The following XKR6 variants were observed in gnomAD, a reference collection of about 807,000 sequenced individuals.
XKR6 encodes XK related 6.
A neutral mutation model predicts 56.7 loss-of-function variants in XKR6; 22 were observed. That is an observed-to-expected ratio of 0.39 (90% CI 0.28 to 0.55). The LOEUF (loss-of-function observed/expected upper bound fraction) is 0.55. XKR6 is among the 20% of genes least tolerant of loss of function. The probability of loss-of-function intolerance (pLI) is 0.66; values close to 1 mark genes in which losing one functional copy is unlikely to be tolerated. For synonymous variants in XKR6, 524 were observed against 387.8 expected (o/e 1.35, Z -4.13); for missense variants, 852 against 889.0 (o/e 0.96, Z 0.53).
At chr8:11,056,901 C>T (rs1164209414) in intron 1 of XKR6, among the ~76,000 whole-genome samples, 1 of 152,152 alleles carries the variant, frequency 6.6e-6, no homozygotes, top group Non-Finnish European at 1.5e-5. Context: ...TCTCACCCTT[C>T]AGGTCTCTAG....
intron 1 of XKR6, among the ~76,000 whole-genome samples, chr8:11,193,752 A>AC (rs1284165824): frequency 6.9e-5 from 6 of 86,880 alleles, no homozygotes; most frequent in Admixed American, 5.5e-4. Context: ...CCCCCCCCCC[A>AC]CAAAAGAAAT....
At chr8:11,119,316 C>T (rs138095840) in intron 1 of XKR6, among the ~76,000 whole-genome samples, 3,655 of 152,224 alleles carry the variant, frequency 0.024, 115 homozygotes, top group African/African-American at 0.079. Flanking sequence ...CTGTAGATGT[C>T]TATTAGGTCC....
chr8:11,182,207 T>C (rs1219779401), intron 1 of XKR6, among the ~76,000 whole-genome samples: 1 of 152,220 alleles, frequency 6.6e-6, no homozygotes, highest in Non-Finnish European at 1.5e-5. Flanking sequence ...GACCAGGCTG[T>C]TGACCTTGCT....
rs570593499 is a variant in XKR6 at position 11,199,447 on chromosome 8, CCTA to C, written c.764+1126_764+1128del. On this transcript the variant is annotated intron_variant, in intron 1 of 2. Coordinates refer to ENST00000416569, the MANE Select transcript of XKR6 (RefSeq NM_173683.4). Reference sequence around the variant, plus strand: ...CTGAACTACTAAATGCCTAAAATCTCCTACTAAGCTTGGAGTCAGGGCAGCCTA... The same window carrying C: ...CTGAACTACTAAATGCCTAAAATCTCCTAAGCTTGGAGTCAGGGCAGCCTA... 4.6e-5 allele frequency among the ~76,000 whole-genome samples: 7 copies of C among 152,342 alleles called. No individual in the cohort carries two copies. In the South Asian group the frequency reaches 1.5e-3, roughly 32 times the overall value.
chr8:11,135,567 A>T (rs1440851570), intron 1 of XKR6, among the ~76,000 whole-genome samples: 1 of 152,152 alleles, frequency 6.6e-6, no homozygotes, highest in African/African-American at 2.4e-5. Flanking sequence ...CCTTTTTCTA[A>T]TTCTTGCTGT....
chr8:11,107,268 C>G (rs998980361), intron 1 of XKR6, among the ~76,000 whole-genome samples: 2 of 151,680 alleles, frequency 1.3e-5, no homozygotes, highest in African/African-American at 4.8e-5. Context: ...GGCACGATCA[C>G]AGCTCACTGC....
chr8:10,897,795 A>C lies in XKR6; in HGVS notation c.*157T>G. On this transcript the variant is annotated 3_prime_UTR_variant, in exon 3 of 3. Transcript: ENST00000416569. ...TTATTTGAAGGGGTTGTGACTTATT[A>C]ATTCTTTTTTTTTTGTAGTGGTGGT... 1.1e-6 allele frequency: 1 copy of C among 915,082 alleles called. No individual in the cohort carries two copies. The allele number at this position is 915,082 out of a possible 1,614,324, so 56.7% of individuals were successfully genotyped here. A position where few individuals can be genotyped will look rare whatever the true frequency, so the allele number is the denominator to read the frequency against.
At chr8:11,124,896 A>G (rs1035595430) in intron 1 of XKR6, 1 of 151,294 alleles carries the variant, frequency 6.6e-6, no homozygotes, top group Non-Finnish European at 1.5e-5. Flanking sequence ...CATCCTGGCT[A>G]ACACGGTGAA....
intron 1 of XKR6, among the ~76,000 whole-genome samples, chr8:11,111,014 T>A (rs976154011): frequency 1.1e-4 from 5 of 47,602 alleles, no homozygotes; most frequent in Non-Finnish European, 2.0e-4. Context: ...TTCTATTTTT[T>A]TTTTTTTTTT....
At position 11,200,348 on chromosome 8, in the gene XKR6, CG is replaced by C. The variant is rs1246322183; in HGVS notation, c.764+227del. 1.3e-5 allele frequency among the ~76,000 whole-genome samples: 2 copies of C among 152,210 alleles called. No homozygotes were observed. The highest frequency in any genetic ancestry group is 4.8e-5 in the African/African-American group (2 of 41,458). On this transcript the variant is annotated intron_variant, in intron 1 of 2. Transcript: ENST00000416569. This position sits in a 1 kb window ranked among gnomAD's most constrained non-coding sequence, Gnocchi z 6.4. ...GGCAAGAGCCCCGCCGAGTGCGAAGCGGGGACGAGGACGGGCCAACGGCAGG... is the reference window on the plus strand; with the variant it reads ...GGCAAGAGCCCCGCCGAGTGCGAAGCGGGACGAGGACGGGCCAACGGCAGG...
At chr8:10,961,078 G>A (rs1407982492) in intron 1 of XKR6, among the ~76,000 whole-genome samples, 2 of 152,110 alleles carry the variant, frequency 1.3e-5, no homozygotes, top group African/African-American at 4.8e-5. Context: ...GGTGAGTATC[G>A]GAGGCATGGC....
chr8:11,139,337 C>G (rs11785237), intron 1 of XKR6, among the ~76,000 whole-genome samples: 49,691 of 152,002 alleles, frequency 0.33, 8,849 homozygotes, highest in African/African-American at 0.44. Flanking sequence ...GCAAGGCACA[C>G]GCAGGTAGGG....
intron 1 of XKR6, among the ~76,000 whole-genome samples, chr8:10,996,398 T>G (rs1287499869): frequency 1.3e-5 from 2 of 152,214 alleles, no homozygotes; most frequent in Non-Finnish European, 2.9e-5. Context: ...AAGCTTTCAG[T>G]TGCTTTTATA....
rs1364995658 is a variant in XKR6, at chr8:11,092,669, A to G, written c.764+107907T>C. On this transcript the variant is annotated intron_variant, in intron 1 of 2. Transcript: ENST00000416569. ...CTGCAAGAAAGGCTGAGTAAAGCCC[A>G]AAGAGAAACTCTTCCCCCTGGATGA... Among the ~76,000 whole-genome samples, 4 of 152,372 alleles carry G rather than the reference A, an allele frequency of 2.6e-5. No homozygotes were observed. The East Asian group carries it at 7.7e-4, about 29-fold the overall frequency.
At chr8:10,906,927 A>C (rs915677994) in intron 2 of XKR6, among the ~76,000 whole-genome samples, 1 of 152,218 alleles carries the variant, frequency 6.6e-6, no homozygotes, top group Non-Finnish European at 1.5e-5. Flanking sequence ...AAGTGCCCAT[A>C]GTCCTAGCTA....
intron 2 of XKR6, among the ~76,000 whole-genome samples, chr8:10,910,547 G>T (rs1267110625): frequency 6.6e-6 from 1 of 152,142 alleles, no homozygotes; most frequent in Non-Finnish European, 1.5e-5. Flanking sequence ...ACAGCTGCAG[G>T]AAAGACGACA....
intron 1 of XKR6, among the ~76,000 whole-genome samples, chr8:11,079,389 A>C (rs1320207272): frequency 6.6e-6 from 1 of 152,266 alleles, no homozygotes; most frequent in Non-Finnish European, 1.5e-5. Flanking sequence ...TTTTGACTTA[A>C]GAACTGTCCA....
chr8:11,004,731 T>C (rs936414465), intron 1 of XKR6, among the ~76,000 whole-genome samples: 43 of 152,312 alleles, frequency 2.8e-4, no homozygotes, highest in African/African-American at 9.9e-4. Context: ...AAACAGATAA[T>C]TGTATATCCA....
chr8:11,147,152 G>A (rs1338773467), intron 1 of XKR6, among the ~76,000 whole-genome samples: 1 of 152,008 alleles, frequency 6.6e-6, no homozygotes, highest in Non-Finnish European at 1.5e-5. Flanking sequence ...GGGTGGTAAT[G>A]GATATGTTTA....
Sources: allele counts gnomAD v4.1 joint callset (sites outside exome capture counted in the v4.1 genomes callset), GRCh38; gene constraint gnomAD v4.1.1; non-coding constraint Gnocchi (gnomAD v3.1); transcripts MANE v1.5; gene names NCBI Gene and HGNC (gene_info 2026-07-23, HGNC 2026-07-21).